DOK4: variants seen among roughly 807,000 people sequenced by gnomAD.
DOK4 encodes docking protein 4, also known as downstream of tyrosine kinase 4.
In DOK4, 26 loss-of-function variants were observed where a neutral mutation model predicts 40.1. That is an observed-to-expected ratio of 0.65 (90% CI 0.48 to 0.90). The LOEUF (loss-of-function observed/expected upper bound fraction) is 0.90, where lower values mean the gene tolerates loss of function less well. Among genes scored for constraint, DOK4 ranks in the 40% least tolerant of loss-of-function variants. The pLI is 0.00. For synonymous variants in DOK4, 179 were observed against 177.0 expected (o/e 1.01, Z -0.09); for missense variants, 392 against 437.2 (o/e 0.90, Z 0.92).
rs912349413 is a variant in DOK4, at chr16:57,479,660, G to A, written c.-153C>T. 1 of 693,228 alleles carries A rather than the reference G, an allele frequency of 1.4e-6. No homozygotes were observed. The highest frequency in any genetic ancestry group is 2.5e-5 in the Admixed American group (1 of 40,054). The allele number at this position is 693,228 out of a possible 1,614,324, so 42.9% of individuals were successfully genotyped here. On this transcript the variant is annotated 5_prime_UTR_variant, in exon 2 of 9. It introduces an in-frame stop codon into an upstream open reading frame of the 5' UTR. Transcript: ENST00000340099. This position sits in a 1 kb window ranked among gnomAD's most constrained non-coding sequence, Gnocchi z 5.8. Reference sequence around the variant, plus strand: ...TCCTCACCTCACCCGCCTCAGCATTGTTCTAGCAGCTCCTTCGCCCCGCGC... The same window carrying A: ...TCCTCACCTCACCCGCCTCAGCATTATTCTAGCAGCTCCTTCGCCCCGCGC...
Position 57,475,908 on chromosome 16 carries a change from G to A in DOK4, c.116C>T (p.Pro39Leu), listed in dbSNP as rs1028607693. The change falls in exon 3 of 9, where the codon CCC (proline) becomes CTC (leucine). Residue 39 changes from proline (P) to leucine (L), a missense_variant. Coordinates refer to ENST00000340099, the Ensembl canonical transcript of DOK4. Reference sequence around the variant, plus strand: ...ATCTGGATACTTCTCCAGCCGCTGGGGCCCCTTGCTGGAGGATTTCCGGAA... The same window carrying A: ...ATCTGGATACTTCTCCAGCCGCTGGAGCCCCTTGCTGGAGGATTTCCGGAA... 13 of 1,613,630 alleles carry A rather than the reference G, an allele frequency of 8.1e-6. No homozygotes were observed. The highest frequency in any genetic ancestry group is 1.0e-5 in the Non-Finnish European group (12 of 1,179,916).
chr16:57,472,493 C>T (rs1320464318), exon 9 of DOK4: 23 of 152,776 alleles, frequency 1.5e-4, no homozygotes, highest in Admixed American at 1.4e-3. Flanking sequence ...AGAGGGTGGC[C>T]AAACAGGGCA....
In DOK4 at chr16:57,479,590, A is replaced by G; in HGVS notation, c.-83T>C. Reference sequence around the variant, plus strand: ...GGTGCCTGGGTCTCCGGCTCCTCCAATCACCTGTTCCAGACACTCTGTCGG... The same window carrying G: ...GGTGCCTGGGTCTCCGGCTCCTCCAGTCACCTGTTCCAGACACTCTGTCGG... On this transcript the variant is annotated 5_prime_UTR_variant, in exon 2 of 9. Coordinates refer to ENST00000340099, the Ensembl canonical transcript of DOK4. This position sits in a 1 kb window ranked among gnomAD's most constrained non-coding sequence, Gnocchi z 5.8. The G allele has an allele frequency of 2.7e-6, 4 of 1,478,192 alleles. No individual in the cohort carries two copies. The highest frequency in any genetic ancestry group is 3.7e-6 in the Non-Finnish European group (4 of 1,067,070). The allele number at this position is 1,478,192 out of a possible 1,614,324, so 91.6% of individuals were successfully genotyped here.
In DOK4 at chr16:57,484,863, T is replaced by C. The variant is rs115201695; in HGVS notation, c.-182+1442A>G. ...TGGGATTTTCTTGTTCTTACATCTG[T>C]CCATTTGTTTCTGGCCACAGAGAGA... On this transcript the variant is annotated intron_variant, in intron 1 of 8. Transcript: ENST00000340099. 6.4e-3 allele frequency among the ~76,000 whole-genome samples: 972 copies of C among 152,308 alleles called. 10 individuals are homozygous for C. The highest frequency in any genetic ancestry group is 0.021 in the African/African-American group (871 of 41,574).
chr16:57,473,088 G>A (rs529340298), exon 9 of DOK4: 1 of 385,918 alleles, frequency 2.6e-6, no homozygotes, highest in East Asian at 4.4e-5. Context: ...GGGGAAGGAT[G>A]GGGTGAGGGT....
intron 1 of DOK4, among the ~76,000 whole-genome samples, chr16:57,482,980 G>A (rs1346904765): frequency 2.6e-5 from 4 of 152,110 alleles, no homozygotes; most frequent in Admixed American, 6.6e-5. Flanking sequence ...GCCCCACCCC[G>A]TCCCATACCC....
intron 1 of DOK4, among the ~76,000 whole-genome samples, chr16:57,483,530 C>T (rs562615342): frequency 6.6e-5 from 10 of 152,068 alleles, no homozygotes; most frequent in African/African-American, 2.2e-4. Flanking sequence ...CTGGGGAGGC[C>T]GAGGTGGGAG....
chr16:57,482,558 G>C (rs1231482057), intron 1 of DOK4, among the ~76,000 whole-genome samples: 2 of 151,544 alleles, frequency 1.3e-5, no homozygotes, highest in Non-Finnish European at 2.9e-5. Context: ...TAGTAAAGAC[G>C]GGGTTTCACC....
intron 1 of DOK4, among the ~76,000 whole-genome samples, 169 bp downstream of exon 1, chr16:57,486,136 T>TG (rs1459320295): frequency 1.3e-5 from 2 of 151,784 alleles, no homozygotes; most frequent in Non-Finnish European, 2.9e-5. Flanking sequence ...CACTGGCTTT[T>TG]GGGGGGCGGG....
Position 57,479,622 on chromosome 16 carries a change from C to T in DOK4, c.-115G>A, listed in dbSNP as rs968035262. 35 of 1,129,794 alleles carry T rather than the reference C, an allele frequency of 3.1e-5. No homozygotes were observed. Among genetic ancestry groups the T allele is most frequent in the East Asian group, 4.8e-5 (2 of 41,512 alleles). 70.0% of individuals were successfully genotyped at this position (1,129,794 alleles called of 1,614,324 possible). A position where few individuals can be genotyped will look rare whatever the true frequency, so the allele number is the denominator to read the frequency against. The stretch of plus-strand genomic sequence containing the variant: ...GTTCCAGACACTCTGTCGGGGCTGC[C>T]GCGAGGGGCTGCTCCTCACCTCACC... On this transcript the variant is annotated 5_prime_UTR_variant, in exon 2 of 9. Coordinates refer to ENST00000340099, the Ensembl canonical transcript of DOK4. This position sits in a 1 kb window ranked among gnomAD's most constrained non-coding sequence, Gnocchi z 5.8.
At position 57,479,076 on chromosome 16, in the gene DOK4, C is replaced by A. The variant is rs555803641; in HGVS notation, c.66+366G>T. The stretch of plus-strand genomic sequence containing the variant: ...GGAGAGGAGGCCAGGGGAAGTGAGA[C>A]GCTGCTTCTCAGCTCAGACACAGCC... On this transcript the variant is annotated intron_variant, in intron 2 of 8. Transcript: ENST00000340099. This position sits in a 1 kb window ranked among gnomAD's most constrained non-coding sequence, Gnocchi z 5.8. Among the ~76,000 whole-genome samples, 3 of 152,160 alleles carry A rather than the reference C, an allele frequency of 2.0e-5. No homozygotes were observed. The highest frequency in any genetic ancestry group is 4.4e-5 in the Non-Finnish European group (3 of 68,018).
chr16:57,482,108 C>T (rs1413976872), intron 1 of DOK4, among the ~76,000 whole-genome samples: 1 of 152,032 alleles, frequency 6.6e-6, no homozygotes, highest in East Asian at 2.0e-4. Context: ...TCATGATCCG[C>T]CCGCCTCGGC....
At position 57,479,349 on chromosome 16, in the gene DOK4, C is replaced by T. The variant is rs1292590679; in HGVS notation, c.66+93G>A. On this transcript the variant is annotated intron_variant, in intron 2 of 8. Coordinates refer to ENST00000340099, the Ensembl canonical transcript of DOK4. This position sits in a 1 kb window ranked among gnomAD's most constrained non-coding sequence, Gnocchi z 5.8. ...CGATGCCCGGCAGCCGGAGGGCAGC[C>T]GCGTGCCCCACGCGCCATGCCTCCA... 9.8e-6 allele frequency: 14 copies of T among 1,423,716 alleles called. No homozygotes were observed. Among genetic ancestry groups the T allele is most frequent in the Admixed American group, 7.3e-5 (4 of 54,670 alleles). 88.2% of individuals were successfully genotyped at this position (1,423,716 alleles called of 1,614,324 possible).
chr16:57,483,328 G>A (rs181339594), intron 1 of DOK4, among the ~76,000 whole-genome samples: 2 of 152,258 alleles, frequency 1.3e-5, no homozygotes, highest in Admixed American at 6.5e-5. Context: ...GGCCCAATAG[G>A]ACAGCAAGAA....
intron 2 of DOK4, among the ~76,000 whole-genome samples, chr16:57,478,276 C>A (rs1026148656): frequency 6.6e-6 from 1 of 152,182 alleles, no homozygotes; most frequent in African/African-American, 2.4e-5. Flanking sequence ...GGAAGTGGGG[C>A]CAGAACCACC....
intron 3 of DOK4, 73 bp from the exon 4 acceptor site, chr16:57,475,693 T>TCCCC (rs1555516318): frequency 6.2e-6 from 3 of 480,480 alleles, no homozygotes; most frequent in South Asian, 1.9e-5. Flanking sequence ...TCTCTCTCTC[T>TCCCC]CTCCCTCCCT....
At chr16:57,483,020 C>T (rs75652601) in intron 1 of DOK4, among the ~76,000 whole-genome samples, 2,057 of 152,262 alleles carry the variant, frequency 0.014, 36 homozygotes, top group African/African-American at 0.047. Context: ...GTGACCTTCA[C>T]GGGGAAGGCT....
chr16:57,474,047 C>T lies in DOK4; in HGVS notation c.600-8G>A. 6.2e-7 allele frequency: 1 copy of T among 1,613,920 alleles called. No homozygotes were observed. The highest frequency in any genetic ancestry group is 1.1e-5 in the South Asian group (1 of 91,080). ...TCCCCAGCATCACACATCCTGGGGACACAGCACAGAGGGCAAGATGGTGGG... is the reference window on the plus strand; with the variant it reads ...TCCCCAGCATCACACATCCTGGGGATACAGCACAGAGGGCAAGATGGTGGG... On this transcript the variant is annotated splice_polypyrimidine_tract_variant and splice_region_variant and intron_variant, in intron 6 of 8. Coordinates refer to ENST00000340099, the Ensembl canonical transcript of DOK4.
intron 2 of DOK4, among the ~76,000 whole-genome samples, chr16:57,477,813 G>C (rs2031249035): frequency 6.6e-6 from 1 of 152,194 alleles, no homozygotes; most frequent in South Asian, 2.1e-4. Flanking sequence ...CTGCTGGGGA[G>C]GGACCACAGC....
Sources: allele counts gnomAD v4.1 joint callset (sites outside exome capture counted in the v4.1 genomes callset), GRCh38; gene constraint gnomAD v4.1.1; non-coding constraint Gnocchi (gnomAD v3.1); transcripts MANE v1.5; gene names NCBI Gene and HGNC (gene_info 2026-07-23, HGNC 2026-07-21).